Variants in CACNA1E observed in about 807,000 individuals in gnomAD.
CACNA1E encodes calcium voltage-gated channel subunit alpha1 E, also known as voltage-dependent R-type calcium channel subunit alpha-1E.
Under a neutral mutation model 259.2 loss-of-function variants are expected in CACNA1E, and 40 were observed. The ratio of observed to expected loss-of-function variants is 0.15; its 90% CI spans 0.12 to 0.20. CACNA1E has a LOEUF of 0.20. CACNA1E is among the 10% of genes least tolerant of loss of function. CACNA1E has a pLI of 1.00. For synonymous variants in CACNA1E, 1,104 were observed against 1,138.5 expected, an observed-to-expected ratio of 0.97 and a Z score of 0.61; for missense variants, 1,874 against 3,040.1, an observed-to-expected ratio of 0.62 and a Z score of 9.02.
Position 181,732,735 on chromosome 1 carries a change from G to T in CACNA1E, c.2649G>T (p.Trp883Cys). Residue 883 changes from tryptophan to cysteine, a missense_variant, in exon 20 of 48, where the codon TGG becomes TGT. Trp to Cys is a radical substitution (Grantham distance 215). Coordinates refer to ENST00000367573, the MANE Select transcript of CACNA1E (RefSeq NM_001205293.3). The surrounding 1 kb of genome is among the most constrained non-coding windows in gnomAD (Gnocchi z 5.5). ...CCCTGGGCCAGCGGGAGCCACCATG[G>T]CTGGCCAGGCCCTGTCATGGAAACT... Reference protein sequence around the residue: ...PLSLGQREPPWLARPCHGNCD... With the variant: ...PLSLGQREPPCLARPCHGNCD... 1.3e-6 allele frequency: 2 copies of T among 1,553,544 alleles called. No homozygotes were observed. Among genetic ancestry groups the T allele is most frequent in the Non-Finnish European group, 1.7e-6 (2 of 1,150,502 alleles).
chr1:181,712,181 G>C (rs1653439921), intron 8 of CACNA1E, among the ~76,000 whole-genome samples: 1 of 152,204 alleles, frequency 6.6e-6, no homozygotes, highest in Non-Finnish European at 1.5e-5. Flanking sequence ...CTGTGGCTCA[G>C]ATGCTTATGA....
At chr1:181,432,962 A>G (rs903782124) in intron 2 of CACNA1E, among the ~76,000 whole-genome samples, 1 of 152,232 alleles carries the variant, frequency 6.6e-6, no homozygotes, top group African/African-American at 2.4e-5. Flanking sequence ...AATTATTGAG[A>G]AAGTATTTTA....
At chr1:181,795,293 A>G (rs1238700187) in intron 46 of CACNA1E, among the ~76,000 whole-genome samples, 1 of 152,156 alleles carries the variant, frequency 6.6e-6, no homozygotes, top group African/African-American at 2.4e-5. Context: ...TATACAAATC[A>G]TTAGAATTGA....
intron 2 of CACNA1E, among the ~76,000 whole-genome samples, chr1:181,463,444 C>A (rs6424812): frequency 0.42 from 63,418 of 151,934 alleles, 15,104 homozygotes; most frequent in African/African-American, 0.67. Context: ...TCATATGCAG[C>A]ACTCCCATTT....
At chr1:181,616,258 G>T (rs1267838352) in intron 6 of CACNA1E, among the ~76,000 whole-genome samples, 1 of 152,154 alleles carries the variant, frequency 6.6e-6, no homozygotes, top group Admixed American at 6.5e-5. Context: ...GGAAGATTTT[G>T]TAAGATTGAA....
intron 2 of CACNA1E, among the ~76,000 whole-genome samples, chr1:181,439,124 T>A (rs1660278742): frequency 6.6e-6 from 1 of 152,214 alleles, no homozygotes; most frequent in Non-Finnish European, 1.5e-5. Context: ...CCTATTTGAT[T>A]TGGATATTTG....
chr1:181,772,119 A>G lies in CACNA1E; in HGVS notation c.5027A>G (p.Lys1676Arg), dbSNP rs2102770892. The change falls in exon 37 of 48, where the codon AAG (lysine) becomes AGG (arginine). Residue 1676 changes from lysine (K) to arginine (R), a missense_variant. Transcript: ENST00000367573. ...QEIMLSCLGE[K>R]GCEPDTTAPS... is the part of the protein sequence containing the mutation. ...ATTATGCTGTCATGCCTTGGGGAGA[A>G]GGGCTGTGAGCCTGACACCACCGCA... The G allele has an allele frequency of 1.9e-6, 3 of 1,613,936 alleles. No homozygotes were observed. Among genetic ancestry groups the G allele is most frequent in the Non-Finnish European group, 2.5e-6 (3 of 1,179,882 alleles).
chr1:181,510,266 G>C (rs1213036451), intron 1 of CACNA1E, among the ~76,000 whole-genome samples: 2 of 152,190 alleles, frequency 1.3e-5, no homozygotes, highest in African/African-American at 4.8e-5. Context: ...TTTGTGTTCA[G>C]AGACCAGGCA....
At chr1:181,755,855 C>T (rs1434854768) in intron 28 of CACNA1E, 101 bp from the exon 29 acceptor site, 4 of 1,205,940 alleles carry the variant, frequency 3.3e-6, no homozygotes, top group Non-Finnish European at 4.7e-6. Context: ...GTATGGTGAT[C>T]ATTATTACCC....
At chr1:181,545,815 A>T (rs1410944440) in intron 3 of CACNA1E, among the ~76,000 whole-genome samples, 1 of 151,978 alleles carries the variant, frequency 6.6e-6, no homozygotes. Flanking sequence ...AGGAAAGATG[A>T]TTTATTTTTT....
chr1:181,793,971 C>G (rs570146423), intron 45 of CACNA1E, among the ~76,000 whole-genome samples, 178 bp downstream of exon 45: 68 of 152,266 alleles, frequency 4.5e-4, no homozygotes, highest in Non-Finnish European at 7.4e-4. Context: ...TTTCAATGAC[C>G]CCCCCTAACC....
At chr1:181,660,837 C>G (rs1647589209) in intron 7 of CACNA1E, among the ~76,000 whole-genome samples, 1 of 152,198 alleles carries the variant, frequency 6.6e-6, no homozygotes. Flanking sequence ...TGCTGGGATT[C>G]TAACACTGGA....
At chr1:181,785,281 C>T (rs571437532) in intron 41 of CACNA1E, 37 bp from the exon 42 acceptor site, 3 of 1,214,836 alleles carry the variant, frequency 2.5e-6, no homozygotes, top group South Asian at 2.5e-5. Flanking sequence ...CCATTATCTA[C>T]TCCCTGTTCA....
chr1:181,649,916 C>T (rs1359344605), intron 6 of CACNA1E, among the ~76,000 whole-genome samples: 1 of 152,108 alleles, frequency 6.6e-6, no homozygotes, highest in Non-Finnish European at 1.5e-5. Flanking sequence ...AGGCTTAATA[C>T]CTGGGTGATG....
At chr1:181,332,506 C>A (rs1481350072) in intron 1 of CACNA1E, among the ~76,000 whole-genome samples, 1 of 152,202 alleles carries the variant, frequency 6.6e-6, no homozygotes, top group Non-Finnish European at 1.5e-5. Flanking sequence ...TGGGAACTAG[C>A]TCCTGATAAG....
intron 21 of CACNA1E, among the ~76,000 whole-genome samples, 171 bp downstream of exon 21, chr1:181,733,921 G>A (rs1007189813): frequency 9.8e-5 from 15 of 152,306 alleles, no homozygotes; most frequent in Admixed American, 5.2e-4. Context: ...ATAAGCTAGC[G>A]TTCTCTTCAT....
Position 181,785,370 on chromosome 1 carries a change from C to T in CACNA1E, c.5631C>T (p.Tyr1877=). The change falls in exon 42 of 48, where the codon TAC becomes TAT. Residue 1877 remains tyrosine, a synonymous_variant. Transcript: ENST00000367573. ...ATGCAGCAATGATGATCATGGACTACTATAAGCAGAGTAAGGTGAAGAAGC... is the reference window on the plus strand; with the variant it reads ...ATGCAGCAATGATGATCATGGACTATTATAAGCAGAGTAAGGTGAAGAAGC... ...KIYAAMMIMD[Y]YKQSKVKKQR... is the part of the protein sequence containing the mutation. 3 of 1,613,656 alleles carry T rather than the reference C, an allele frequency of 1.9e-6. No homozygotes were observed. The highest frequency in any genetic ancestry group is 1.7e-6 in the Non-Finnish European group (2 of 1,179,696).
Position 181,784,762 on chromosome 1 carries a change from C to A in CACNA1E, c.5572C>A (p.Pro1858Thr), listed in dbSNP as rs910425895. ...QKMLDLLVPM[P>T]KASDLTVGKI... is the part of the protein sequence containing the mutation. ...GATGCTGGATCTGCTTGTGCCCATGCCCAAAGGTTTGGGTCTTCTCCTGGG... is the reference window on the plus strand; with the variant it reads ...GATGCTGGATCTGCTTGTGCCCATGACCAAAGGTTTGGGTCTTCTCCTGGG... Residue 1858 changes from proline (P) to threonine (T), a missense_variant, in exon 41 of 48, where the codon CCC (proline) becomes ACC (threonine). Pro to Thr is a conservative substitution (Grantham distance 38, BLOSUM62 -1). Coordinates refer to ENST00000367573, the MANE Select transcript of CACNA1E (RefSeq NM_001205293.3). 1.9e-6 allele frequency: 3 copies of A among 1,564,794 alleles called. No individual in the cohort carries two copies. The highest frequency in any genetic ancestry group is 4.7e-5 in the East Asian group (2 of 42,264).
chr1:181,322,441 G>A (rs547960199), intron 1 of CACNA1E, among the ~76,000 whole-genome samples: 84 of 152,272 alleles, frequency 5.5e-4, no homozygotes, highest in African/African-American at 1.9e-3. Context: ...GAACCAAAAA[G>A]CCCCTTGCAA....
Sources: gnomAD v4.1 joint callset for allele counts (sites outside exome capture counted in the v4.1 genomes callset) on GRCh38, gnomAD v4.1.1 for gene constraint, Gnocchi (gnomAD v3.1) non-coding constraint, MANE v1.5 for transcripts, NCBI Gene and HGNC (gene_info 2026-07-23, HGNC 2026-07-21) for gene names.